The following DNER variants were observed in gnomAD, a reference collection of about 807,000 sequenced individuals.
DNER encodes delta/notch like EGF repeat containing, also known as delta and Notch-like epidermal growth factor-related receptor.
In DNER, 33 loss-of-function variants were observed where a neutral mutation model predicts 78.2. The ratio of observed to expected loss-of-function variants is 0.42; its 90% confidence interval spans 0.32 to 0.56. DNER has a LOEUF of 0.56. Ranked by LOEUF, DNER falls within the 20% of genes least tolerant of loss-of-function variation. The pLI is 0.11. For synonymous variants in DNER, 417 were observed against 384.8 expected (o/e 1.08, Z -0.98); for missense variants, 918 against 975.3 (o/e 0.94, Z 0.78).
intron 1 of DNER, among the ~76,000 whole-genome samples, chr2:229,676,609 C>T (rs1464881974): frequency 1.3e-5 from 2 of 152,154 alleles, no homozygotes; most frequent in East Asian, 3.9e-4. Flanking sequence ...TGTTTTCTGC[C>T]ACTTCAACAA....
chr2:229,381,232 C>T (rs1001664544), intron 11 of DNER, among the ~76,000 whole-genome samples: 1 of 152,152 alleles, frequency 6.6e-6, no homozygotes, highest in African/African-American at 2.4e-5. Flanking sequence ...AGGAACGGTG[C>T]ACTCCAGCCT....
chr2:229,517,117 A>G (rs1225330357), intron 5 of DNER, among the ~76,000 whole-genome samples: 1 of 151,422 alleles, frequency 6.6e-6, no homozygotes, highest in Non-Finnish European at 1.5e-5. Context: ...CTCAAAAAAA[A>G]AAAAAAAAAA....
chr2:229,418,583 G>C (rs868339768), intron 8 of DNER, among the ~76,000 whole-genome samples: 1 of 152,028 alleles, frequency 6.6e-6, no homozygotes, highest in East Asian at 1.9e-4. Context: ...CAGGATTTAC[G>C]GCAGGGGAGG....
chr2:229,596,973 A>G (rs1697726918), intron 1 of DNER, among the ~76,000 whole-genome samples: 1 of 152,064 alleles, frequency 6.6e-6, no homozygotes, highest in Admixed American at 6.5e-5. Context: ...ACATGCACAC[A>G]CCTGCGCACA....
intron 5 of DNER, among the ~76,000 whole-genome samples, chr2:229,516,785 T>TAAAAAAAAAA (rs796603043): frequency 6.0e-5 from 5 of 83,852 alleles, no homozygotes; most frequent in Non-Finnish European, 1.4e-4. Flanking sequence ...ACGCTGTCTC[T>TAAAAAAAAAA]AAAAAAAAAA....
At chr2:229,434,171 C>T (rs1694073090) in intron 8 of DNER, among the ~76,000 whole-genome samples, 2 of 152,178 alleles carry the variant, frequency 1.3e-5, no homozygotes, top group South Asian at 4.1e-4. Context: ...ACAATGCAGA[C>T]CACGATTATC....
chr2:229,576,721 G>T lies in DNER; in HGVS notation c.847+9137C>A, dbSNP rs188679968. On this transcript the variant is annotated intron_variant, in intron 4 of 12. Transcript: ENST00000341772. Reference sequence around the variant, plus strand: ...GTCAATGTGATTAGCAGAAAGTAATGTGAGACACATGACTGGTAAAGCAAA... The same window carrying T: ...GTCAATGTGATTAGCAGAAAGTAATTTGAGACACATGACTGGTAAAGCAAA... Among the ~76,000 whole-genome samples the T allele has an allele frequency of 8.5e-5, 13 of 152,308 alleles. No individual in the cohort carries two copies. In the East Asian group the frequency reaches 2.3e-3, roughly 27 times the overall value.
chr2:229,625,916 G>T (rs1341219691), intron 1 of DNER, among the ~76,000 whole-genome samples: 3 of 147,308 alleles, frequency 2.0e-5, no homozygotes, highest in African/African-American at 7.6e-5. Flanking sequence ...TGTTGTTGTT[G>T]TTTGTTTTTT....
intron 1 of DNER, among the ~76,000 whole-genome samples, chr2:229,633,697 C>T (rs1484519971): frequency 2.0e-5 from 3 of 152,208 alleles, no homozygotes; most frequent in Middle Eastern, 3.2e-3. Flanking sequence ...TGTCCAGCAG[C>T]AGCCCGTTCA....
Position 229,418,219 on chromosome 2 carries a change from G to C in DNER, c.1498C>G (p.Leu500Val), listed in dbSNP as rs1409990845. 6.8e-6 allele frequency: 11 copies of C among 1,613,912 alleles called. No individual in the cohort carries two copies. The highest frequency in any genetic ancestry group is 8.5e-6 in the Non-Finnish European group (10 of 1,179,998). ...TCATTATATTCCTCCTCACAGTAGAGGCCATGGTAACCTGAGGGACAGAGA... is the reference window on the plus strand; with the variant it reads ...TCATTATATTCCTCCTCACAGTAGACGCCATGGTAACCTGAGGGACAGAGA... ...KCLCDPGYHG[L>V]YCEEEYNECL... is the part of the protein sequence containing the mutation. Residue 500 changes from leucine to valine, a missense_variant, in exon 9 of 13, where the codon CTC becomes GTC. Coordinates refer to ENST00000341772, the MANE Select transcript of DNER (RefSeq NM_139072.4).
chr2:229,533,590 T>C (rs1380463521), intron 5 of DNER, among the ~76,000 whole-genome samples: 1 of 152,174 alleles, frequency 6.6e-6, no homozygotes, highest in Non-Finnish European at 1.5e-5. Flanking sequence ...CAATGGAATG[T>C]GCGTACCAGG....
At chr2:229,531,769 C>T (rs998114803) in intron 5 of DNER, among the ~76,000 whole-genome samples, 3 of 152,106 alleles carry the variant, frequency 2.0e-5, no homozygotes, top group African/African-American at 4.8e-5. Context: ...AAATGTCTAT[C>T]GGTGATAAAT....
chr2:229,667,221 C>T (rs985870653), intron 1 of DNER, among the ~76,000 whole-genome samples: 3 of 152,128 alleles, frequency 2.0e-5, no homozygotes, highest in Non-Finnish European at 4.4e-5. Context: ...TCTGTGGCAG[C>T]GAGAGGGGCC....
intron 8 of DNER, among the ~76,000 whole-genome samples, chr2:229,426,237 C>T (rs1336866573): frequency 3.3e-5 from 5 of 151,844 alleles, no homozygotes; most frequent in East Asian, 3.9e-4. Flanking sequence ...GTCAGGAGAT[C>T]GAGACCATCC....
intron 8 of DNER, among the ~76,000 whole-genome samples, chr2:229,438,412 T>C (rs79992161): frequency 0.012 from 1,760 of 152,356 alleles, 13 homozygotes; most frequent in Non-Finnish European, 0.019. Context: ...GGGTGTCACA[T>C]GTAGGCTTCT....
intron 1 of DNER, among the ~76,000 whole-genome samples, chr2:229,607,156 T>C (rs960739279): frequency 6.6e-6 from 1 of 152,188 alleles, no homozygotes; most frequent in African/African-American, 2.4e-5. Flanking sequence ...CATTTTAAGA[T>C]GAAATAAGAT....
At chr2:229,641,088 C>T (rs185742891) in intron 1 of DNER, among the ~76,000 whole-genome samples, 1 of 152,204 alleles carries the variant, frequency 6.6e-6, no homozygotes, top group Admixed American at 6.5e-5. Context: ...AGGACAGATG[C>T]AGGAGGAATA....
At chr2:229,428,249 G>A (rs1693927375) in intron 8 of DNER, among the ~76,000 whole-genome samples, 1 of 152,100 alleles carries the variant, frequency 6.6e-6, no homozygotes. Context: ...GAATCAATGT[G>A]GAGAAATCAG....
chr2:229,461,107 T>C (rs1694690962), intron 7 of DNER, among the ~76,000 whole-genome samples: 1 of 152,074 alleles, frequency 6.6e-6, no homozygotes, highest in Admixed American at 6.5e-5. Flanking sequence ...GCTGAGACGG[T>C]CAGAACAGAT....
Sources: allele counts gnomAD v4.1 joint callset (sites outside exome capture counted in the v4.1 genomes callset), GRCh38; gene constraint gnomAD v4.1.1; transcripts MANE v1.5; gene names NCBI Gene and HGNC (gene_info 2026-07-23, HGNC 2026-07-21).